The following DOCK10 variants were observed in gnomAD, a reference collection of about 807,000 sequenced individuals.
The protein encoded by DOCK10 is dedicator of cytokinesis protein 10.
A neutral mutation model predicts 280.1 loss-of-function variants in DOCK10; 145 were observed. The observed-to-expected ratio is 0.52, with a 90% confidence interval of 0.45 to 0.59. The LOEUF (loss-of-function observed/expected upper bound fraction) is 0.59, where lower values mean the gene tolerates loss of function less well. DOCK10 is among the 20% of genes least tolerant of loss of function. DOCK10 has a pLI of 0.00. For missense variants in DOCK10, 2,368 were observed against 2,651.7 expected (o/e 0.89, Z 2.35); for synonymous variants, 915 against 942.2 (o/e 0.97, Z 0.53).
intron 1 of DOCK10, among the ~76,000 whole-genome samples, chr2:224,991,885 C>T (rs1706135430): frequency 6.6e-6 from 1 of 152,170 alleles, no homozygotes; most frequent in East Asian, 1.9e-4. Flanking sequence ...GAAACTGATG[C>T]ATTAGGGAAA....
chr2:224,921,112 A>AAAT, intron 2 of DOCK10, among the ~76,000 whole-genome samples: 14 of 54,418 alleles, frequency 2.6e-4, no homozygotes, highest in African/African-American at 1.7e-3. Context: ...AAAAAAAAAA[A>AAAT]ATATATATAT....
At chr2:224,855,088 C>CACACAG (rs1553598427) in intron 15 of DOCK10, 46 bp from the exon 16 acceptor site, 2 of 1,180,626 alleles carry the variant, frequency 1.7e-6, no homozygotes, top group Non-Finnish European at 2.4e-6. Context: ...CACACACACA[C>CACACAG]ACACACACAC....
chr2:224,919,069 G>A (rs1182857707), intron 2 of DOCK10, among the ~76,000 whole-genome samples: 13 of 149,312 alleles, frequency 8.7e-5, no homozygotes, highest in South Asian at 6.4e-4. Flanking sequence ...GTGTATGTGT[G>A]GTGTGTGTGT....
At chr2:224,949,978 T>G (rs1053511512) in intron 1 of DOCK10, among the ~76,000 whole-genome samples, 3 of 152,074 alleles carry the variant, frequency 2.0e-5, no homozygotes, top group Non-Finnish European at 4.4e-5. Context: ...AGAGGAGAGA[T>G]AGAATCAATT....
rs75942929 is a variant in DOCK10, at chr2:224,899,870, A to C, written c.334-3493T>G. ...TATTCTAAGTTAGCAAAATGAAAAT[A>C]GAGGGTACAGCCTTGGGAACTAGGG... On this transcript the variant is annotated intron_variant, in intron 3 of 55. Coordinates refer to ENST00000258390, the MANE Select transcript of DOCK10 (RefSeq NM_014689.3). Among the ~76,000 whole-genome samples, 42 of 152,356 alleles carry C rather than the reference A, an allele frequency of 2.8e-4. No homozygotes were observed. In the East Asian group the frequency reaches 7.9e-3, roughly 29 times the overall value.
At chr2:224,990,181 A>C (rs750728111) in intron 1 of DOCK10, among the ~76,000 whole-genome samples, 2 of 152,226 alleles carry the variant, frequency 1.3e-5, no homozygotes, top group Non-Finnish European at 2.9e-5. Context: ...TTGCTCTCTA[A>C]GTCAGCTTCC....
Position 224,883,275 on chromosome 2 carries a change from C to A in DOCK10, c.747+2396G>T, listed in dbSNP as rs77348318. Among the ~76,000 whole-genome samples, 4 of 152,304 alleles carry A rather than the reference C, an allele frequency of 2.6e-5. No individual in the cohort carries two copies. In the East Asian group the frequency reaches 7.7e-4, roughly 29 times the overall value. ...CAAGTAGCGATGCCCCTCTCTGATT[C>A]TGACTTCAATAAAGAATTGACTTCC... On this transcript the variant is annotated intron_variant, in intron 7 of 55. Transcript: ENST00000258390.
rs34787956 is a variant in DOCK10, at chr2:224,840,089, G to GA, written c.2662-18dup. On this transcript the variant is annotated splice_polypyrimidine_tract_variant and intron_variant, in intron 23 of 55. Coordinates refer to ENST00000258390, the MANE Select transcript of DOCK10 (RefSeq NM_014689.3). ...CAATAAGTTCTGTAGTAAATTGGCAGAAAAAAAGGATACCAATTAAATTTG... is the reference window on the plus strand; with the variant it reads ...CAATAAGTTCTGTAGTAAATTGGCAGAAAAAAAAGGATACCAATTAAATTTG... 5 of 1,206,018 alleles carry GA rather than the reference G, an allele frequency of 4.1e-6. No homozygotes were observed. The highest frequency in any genetic ancestry group is 1.9e-4 in the Middle Eastern group (1 of 5,190). The allele number at this position is 1,206,018 out of a possible 1,614,324, so 74.7% of individuals were successfully genotyped here.
chr2:224,832,839 T>C (rs959744041), intron 26 of DOCK10, among the ~76,000 whole-genome samples: 1 of 152,172 alleles, frequency 6.6e-6, no homozygotes, highest in Non-Finnish European at 1.5e-5. Context: ...CCAGCACTAA[T>C]GAAATTGAGC....
At chr2:224,924,542 G>A (rs747485266) in intron 2 of DOCK10, among the ~76,000 whole-genome samples, 19 of 152,070 alleles carry the variant, frequency 1.2e-4, no homozygotes, top group Admixed American at 8.5e-4. Flanking sequence ...TCCTTTTTAT[G>A]GCTGAATAAT....
At position 224,775,132 on chromosome 2, in the gene DOCK10, T is replaced by C. The variant is rs1270714890; in HGVS notation, c.5803-17A>G. On this transcript the variant is annotated splice_polypyrimidine_tract_variant and intron_variant, in intron 51 of 55. Transcript: ENST00000258390. ...GGGGTTTACCTGTGTTAACAGATTA[T>C]GGGCAAAGTGAGTGGTGTGCCCTGG... 6.2e-7 allele frequency: 1 copy of C among 1,611,996 alleles called. No individual in the cohort carries two copies. The highest frequency in any genetic ancestry group is 1.3e-5 in the African/African-American group (1 of 74,894).
chr2:225,036,440 C>T (rs1238873032), intron 1 of DOCK10, among the ~76,000 whole-genome samples: 1 of 152,146 alleles, frequency 6.6e-6, no homozygotes, highest in East Asian at 1.9e-4. Flanking sequence ...TTGACTTTAT[C>T]TAAAAAGATA....
At chr2:224,780,156 A>C (rs1328669953) in intron 50 of DOCK10, among the ~76,000 whole-genome samples, 1 of 152,218 alleles carries the variant, frequency 6.6e-6, no homozygotes, top group Admixed American at 6.5e-5. Flanking sequence ...AGTAATTATA[A>C]ATGCCTTGAC....
intron 25 of DOCK10, 112 bp downstream of exon 25, chr2:224,837,650 G>A: frequency 1.3e-6 from 1 of 799,090 alleles, no homozygotes; most frequent in Admixed American, 2.0e-5. Flanking sequence ...ATATTACTGT[G>A]GTGGGCGCCA....
At chr2:224,973,742 C>T (rs1705233351) in intron 1 of DOCK10, among the ~76,000 whole-genome samples, 1 of 152,204 alleles carries the variant, frequency 6.6e-6, no homozygotes, top group Non-Finnish European at 1.5e-5. Context: ...TAGGCACCCT[C>T]ACGACTCTCA....
At chr2:224,895,841 G>GTGTATA (rs1553607593) in intron 4 of DOCK10, among the ~76,000 whole-genome samples, 8 of 136,174 alleles carry the variant, frequency 5.9e-5, no homozygotes, top group Admixed American at 4.2e-4. Context: ...GCGTGTGTGT[G>GTGTATA]TATATATATA....
At position 224,807,651 on chromosome 2, in the gene DOCK10, A is replaced by C. The variant is rs1274069702; in HGVS notation, c.3702+17T>G. The C allele has an allele frequency of 7.0e-7, 1 of 1,428,260 alleles. No homozygotes were observed. Among genetic ancestry groups the C allele is most frequent in the African/African-American group, 1.4e-5 (1 of 69,108 alleles). The allele number at this position is 1,428,260 out of a possible 1,614,324, so 88.5% of individuals were successfully genotyped here. The stretch of plus-strand genomic sequence containing the variant: ...TTCTTTATTAACATAGAAATGTGAC[A>C]TATTGTGCAAACGTACCTGATTAGA... On this transcript the variant is annotated intron_variant, in intron 33 of 55. Transcript: ENST00000258390.
chr2:225,015,264 A>C (rs1689559720), intron 1 of DOCK10, among the ~76,000 whole-genome samples: 1 of 152,234 alleles, frequency 6.6e-6, no homozygotes, highest in South Asian at 2.1e-4. Flanking sequence ...GAAGATAGTC[A>C]AAATAAATTT....
intron 19 of DOCK10, among the ~76,000 whole-genome samples, chr2:224,847,489 T>A (rs1696441782): frequency 6.6e-6 from 1 of 152,168 alleles, no homozygotes; most frequent in South Asian, 2.1e-4. Context: ...AAAAAGCTCA[T>A]GGCTTTCATG....
Sources: gnomAD v4.1 joint callset for allele counts (sites outside exome capture counted in the v4.1 genomes callset) on GRCh38, gnomAD v4.1.1 for gene constraint, MANE v1.5 for transcripts, NCBI Gene and HGNC (gene_info 2026-07-23, HGNC 2026-07-21) for gene names.